NAA15: variants seen among roughly 807,000 people sequenced by gnomAD.
NAA15 encodes N-terminal acetyltransferase.
In NAA15, 34 loss-of-function variants were observed where a neutral mutation model predicts 114.0. The observed-to-expected ratio is 0.30, with a 90% confidence interval of 0.23 to 0.40. The LOEUF (loss-of-function observed/expected upper bound fraction) is 0.40. Ranked by LOEUF, NAA15 falls within the 10% of genes least tolerant of loss-of-function variation. The pLI is 1.00. For synonymous variants in NAA15, 340 were observed against 338.0 expected (o/e 1.01, Z -0.06); for missense variants, 658 against 1,004.5 (o/e 0.66, Z 4.66).
intron 17 of NAA15, among the ~76,000 whole-genome samples, chr4:139,382,197 G>T (rs1018683154): frequency 6.6e-6 from 1 of 152,012 alleles, no homozygotes. Flanking sequence ...TACTGCAGTA[G>T]AATTTTTTTA....
chr4:139,380,958 A>G (rs1253237656), intron 17 of NAA15, among the ~76,000 whole-genome samples: 6 of 152,348 alleles, frequency 3.9e-5, no homozygotes, highest in South Asian at 4.1e-4. Context: ...TACATTTGTC[A>G]TGTTAAGATA....
Position 139,346,856 on chromosome 4 carries a change from C to T in NAA15, c.691+2517C>T, listed in dbSNP as rs116744120. On this transcript the variant is annotated intron_variant, in intron 6 of 19. Coordinates refer to ENST00000296543, the MANE Select transcript of NAA15 (RefSeq NM_057175.5). ...TTTTTATTGTTTATTCTTATACCAC[C>T]AGTTCCTTCTGCTCAGAAAAGGTAG... 8.5e-3 allele frequency among the ~76,000 whole-genome samples: 1,294 copies of T among 152,292 alleles called. 20 individuals carry two copies. Among genetic ancestry groups the T allele is most frequent in the African/African-American group, 0.03 (1,240 of 41,548 alleles).
chr4:139,320,116 A>G (rs1746548144), intron 1 of NAA15, among the ~76,000 whole-genome samples: 1 of 152,164 alleles, frequency 6.6e-6, no homozygotes, highest in African/African-American at 2.4e-5. Flanking sequence ...TTCTTTTCCC[A>G]GGCAAGTTGA....
chr4:139,365,060 G>A (rs1008659103), intron 14 of NAA15, among the ~76,000 whole-genome samples: 1 of 151,984 alleles, frequency 6.6e-6, no homozygotes, highest in South Asian at 2.1e-4. Context: ...TTTTTGAGAT[G>A]GAGTTTCGCT....
At chr4:139,334,114 T>C in intron 1 of NAA15, 60 bp from the exon 2 acceptor site, 1 of 1,031,062 alleles carries the variant, frequency 9.7e-7, no homozygotes, top group Non-Finnish European at 1.5e-6. Flanking sequence ...AATTTAGCGT[T>C]GAATTTAAAG....
intron 1 of NAA15, among the ~76,000 whole-genome samples, chr4:139,309,335 T>G: frequency 6.9e-6 from 1 of 144,080 alleles, no homozygotes. Context: ...GGGACAAGAG[T>G]GAAACTTCGT....
rs761724682 is a variant in NAA15 at position 139,344,285 on chromosome 4, C to A, written c.637C>A (p.Leu213Ile). 3.7e-6 allele frequency: 6 copies of A among 1,612,638 alleles called. No homozygotes were observed. Among genetic ancestry groups the A allele is most frequent in the Non-Finnish European group, 5.1e-6 (6 of 1,179,320 alleles). The change falls in exon 6 of 20, where the codon CTT becomes ATT. Residue 213 changes from leucine (L) to isoleucine (I), a missense_variant. Transcript: ENST00000296543. ...AGLYREALEH[L>I]CTYEKQICDK... The stretch of plus-strand genomic sequence containing the variant: ...TCTCTATAGAGAAGCTTTGGAACAT[C>A]TTTGTACCTATGAAAAGCAGATTTG...
At chr4:139,385,033 A>T in intron 18 of NAA15, 55 bp downstream of exon 18, 18 of 1,320,662 alleles carry the variant, frequency 1.4e-5, no homozygotes, top group Non-Finnish European at 1.8e-5. Context: ...AATTTTAATG[A>T]ATCAACAATA....
chr4:139,372,730 A>AC (rs1198478431), intron 15 of NAA15, among the ~76,000 whole-genome samples: 27 of 127,272 alleles, frequency 2.1e-4, no homozygotes, highest in Admixed American at 8.3e-4. Flanking sequence ...CCGCCCTTCA[A>AC]CCCCCCCTTT....
At position 139,301,816 on chromosome 4, in the gene NAA15, C is replaced by T. The variant is rs531350160; in HGVS notation, c.39C>T (p.Leu13=). 6 of 1,593,950 alleles carry T rather than the reference C, an allele frequency of 3.8e-6. No individual in the cohort carries two copies. The highest frequency in any genetic ancestry group is 2.7e-5 in the African/African-American group (2 of 74,326). Residue 13 remains leucine (L), a synonymous_variant, in exon 1 of 20, where the codon CTC becomes CTT. Transcript: ENST00000296543. ...AVSLPPKENA[L]FKRILRCYEH... Reference sequence around the variant, plus strand: ...GCCTCCCGCCCAAGGAGAATGCGCTCTTCAAGCGGATCTTGGTAAGTGTGA... The same window carrying T: ...GCCTCCCGCCCAAGGAGAATGCGCTTTTCAAGCGGATCTTGGTAAGTGTGA...
At chr4:139,386,507 G>T in intron 19 of NAA15, 1 of 237,254 alleles carries the variant, frequency 4.2e-6, no homozygotes, top group Non-Finnish European at 8.2e-6. Flanking sequence ...TGAGCAAGCA[G>T]TGGTCTCAGT....
intron 17 of NAA15, among the ~76,000 whole-genome samples, chr4:139,383,043 A>G (rs750491348): frequency 2.6e-5 from 4 of 152,180 alleles, no homozygotes; most frequent in Middle Eastern, 3.2e-3. Context: ...TTTGCTTCAC[A>G]TAAGTTATGG....
At chr4:139,334,368 C>T (rs1747127843) in intron 2 of NAA15, 110 bp downstream of exon 2, 8 of 570,394 alleles carry the variant, frequency 1.4e-5, no homozygotes, top group African/African-American at 1.9e-5. Context: ...ACCCTCTCAT[C>T]TTTGACTTCT....
rs185881483 is a variant in NAA15 at position 139,353,952 on chromosome 4, A to T, written c.1015-74A>T. The T allele has an allele frequency of 2.6e-4, 306 of 1,197,514 alleles. No homozygotes were observed. In the African/African-American group the frequency reaches 4.0e-3, roughly 16 times the overall value. The allele number at this position is 1,197,514 out of a possible 1,614,324, so 74.2% of individuals were successfully genotyped here. On this transcript the variant is annotated intron_variant, in intron 9 of 19. Transcript: ENST00000296543. The stretch of plus-strand genomic sequence containing the variant: ...GTGTTTATTTAGTGTTTTAGTAGAA[A>T]ATAACACATTTTGCATAAGAATAGT...
intron 6 of NAA15, among the ~76,000 whole-genome samples, chr4:139,348,038 CAAAAAAA>C (rs59533947): frequency 1.6e-5 from 1 of 62,768 alleles, no homozygotes; most frequent in African/African-American, 5.3e-5. Context: ...GACTCCGTCT[CAAAAAAA>C]AAAAAAAAAA....
At chr4:139,336,211 T>A (rs970681393) in intron 2 of NAA15, among the ~76,000 whole-genome samples, 16 of 152,216 alleles carry the variant, frequency 1.1e-4, no homozygotes, top group African/African-American at 3.6e-4. Flanking sequence ...AAATAATGTT[T>A]TCACTTCCTT....
intron 1 of NAA15, among the ~76,000 whole-genome samples, chr4:139,325,632 G>A (rs1231726319): frequency 6.6e-6 from 1 of 152,176 alleles, no homozygotes; most frequent in Non-Finnish European, 1.5e-5. Context: ...CATTGTGCAT[G>A]TCAAGTAAGA....
chr4:139,317,419 C>T (rs568150596), intron 1 of NAA15, among the ~76,000 whole-genome samples: 1 of 152,096 alleles, frequency 6.6e-6, no homozygotes, highest in African/African-American at 2.4e-5. Context: ...GTCAAGAGTT[C>T]GAGACCAGCC....
chr4:139,305,721 A>G (rs1439506264), intron 1 of NAA15, among the ~76,000 whole-genome samples: 2 of 151,916 alleles, frequency 1.3e-5, no homozygotes, highest in African/African-American at 4.8e-5. Context: ...GTTAGTAGAG[A>G]TGGGGTTTCT....
Sources: allele counts gnomAD v4.1 joint callset (sites outside exome capture counted in the v4.1 genomes callset), GRCh38; gene constraint gnomAD v4.1.1; transcripts MANE v1.5; gene names NCBI Gene and HGNC (gene_info 2026-07-23, HGNC 2026-07-21).